Variants in IMMT observed in about 807,000 individuals in gnomAD.
The protein encoded by IMMT is inner membrane mitochondrial protein.
In IMMT, 40 loss-of-function variants were observed where a neutral mutation model predicts 92.7. That is an observed-to-expected ratio of 0.43 (90% CI 0.34 to 0.56). The LOEUF is 0.56. IMMT is among the 20% of genes least tolerant of loss of function. The pLI, the probability that IMMT is intolerant of heterozygous loss-of-function variation, is 0.03. For synonymous variants in IMMT, 322 were observed against 336.1 expected (o/e 0.96, Z 0.46); for missense variants, 831 against 912.1 (o/e 0.91, Z 1.14).
At chr2:86,149,473 C>T (rs555204147) in intron 12 of IMMT, among the ~76,000 whole-genome samples, 61 of 152,238 alleles carry the variant, frequency 4.0e-4, no homozygotes, top group African/African-American at 1.4e-3. Flanking sequence ...TCTGATTCGA[C>T]TATGTTTTAT....
chr2:86,144,980 T>TA, intron 14 of IMMT, 99 bp from the exon 15 acceptor site: 5 of 1,375,654 alleles, frequency 3.6e-6, no homozygotes, highest in Non-Finnish European at 4.9e-6. Context: ...TCTACACATG[T>TA]GCAAGATGAG....
chr2:86,146,605 C>T (rs1398407265), intron 13 of IMMT, among the ~76,000 whole-genome samples: 3 of 152,022 alleles, frequency 2.0e-5, no homozygotes, highest in Non-Finnish European at 4.4e-5. Context: ...CCTCGTGATC[C>T]GCCCACCTCG....
chr2:86,153,609 A>AG, intron 10 of IMMT, 35 bp from the exon 11 acceptor site: 1 of 1,373,348 alleles, frequency 7.3e-7, no homozygotes, highest in Non-Finnish European at 9.9e-7. Context: ...TTGAAAAAAA[A>AG]GAATGCACAT....
At chr2:86,158,549 G>C in intron 10 of IMMT, 43 bp downstream of exon 10, 1 of 1,489,978 alleles carries the variant, frequency 6.7e-7, no homozygotes, top group East Asian at 2.4e-5. Context: ...ATTGATTAGT[G>C]GTTAAAACAT....
chr2:86,163,381 T>C (rs1044953954), intron 7 of IMMT, among the ~76,000 whole-genome samples: 3 of 152,100 alleles, frequency 2.0e-5, no homozygotes, highest in Non-Finnish European at 4.4e-5. Flanking sequence ...ACACCCTATT[T>C]AGAAGTAGTG....
rs1277022976 is a variant in IMMT, at chr2:86,179,450, GA to G, written c.291del (p.Pro98HisfsTer12). ...EMVLGPAAYN[V>X]PLPKKSIQSG... is the part of the protein sequence containing the mutation. Reference sequence around the variant, plus strand: ...ACTCTTACCGATTTCTTTGGCAATGGAACATTATAAGCTGCAGGACCAAGAA... The same window carrying G: ...ACTCTTACCGATTTCTTTGGCAATGGACATTATAAGCTGCAGGACCAAGAA... On this transcript the variant is annotated frameshift_variant, in exon 3 of 15. Transcript: ENST00000410111. LOFTEE classifies it high-confidence loss of function. 1 of 1,591,816 alleles carries G rather than the reference GA, an allele frequency of 6.3e-7. No individual in the cohort carries two copies. Among genetic ancestry groups the G allele is most frequent in the African/African-American group, 1.4e-5 (1 of 73,614 alleles).
chr2:86,146,402 T>TTATTGCCTG (rs1675018621), intron 13 of IMMT, among the ~76,000 whole-genome samples: 1 of 152,088 alleles, frequency 6.6e-6, no homozygotes, highest in African/African-American at 2.4e-5. Flanking sequence ...GATGGAATCT[T>TTATTGCCTG]GCTTTATTGC....
At position 86,144,152 on chromosome 2, in the gene IMMT, T is replaced by C; in HGVS notation, c.*116A>G. ...CAACAGGTGTTAACATTTAGAACAG[T>C]ACTTGTAAACCTGCTCATTTCTAGA... On this transcript the variant is annotated 3_prime_UTR_variant, in exon 15 of 15. Coordinates refer to ENST00000410111, the MANE Select transcript of IMMT (RefSeq NM_006839.3). 1 of 1,104,108 alleles carries C rather than the reference T, an allele frequency of 9.1e-7. No homozygotes were observed. Among genetic ancestry groups the C allele is most frequent in the Non-Finnish European group, 1.3e-6 (1 of 776,058 alleles). The allele number at this position is 1,104,108 out of a possible 1,614,324, so 68.4% of individuals were successfully genotyped here.
At chr2:86,151,240 TAAAC>T in intron 12 of IMMT, 53 bp downstream of exon 12, 3 of 1,401,456 alleles carry the variant, frequency 2.1e-6, no homozygotes, top group Non-Finnish European at 3.0e-6. Context: ...TTTCTACAAG[TAAAC>T]AATCAAGTTA....
chr2:86,183,725 C>T (rs1672578880), intron 1 of IMMT, among the ~76,000 whole-genome samples: 1 of 152,174 alleles, frequency 6.6e-6, no homozygotes. Context: ...TTCAAATGTG[C>T]ATATTCTCCT....
At chr2:86,167,150 T>A (rs1453937039) in intron 6 of IMMT, among the ~76,000 whole-genome samples, 1 of 147,830 alleles carries the variant, frequency 6.8e-6, no homozygotes, top group South Asian at 2.1e-4. Flanking sequence ...GGATGATAAA[T>A]CTATGAAGCT....
At chr2:86,147,676 T>TG in intron 13 of IMMT, 26 bp downstream of exon 13, 1 of 1,601,750 alleles carries the variant, frequency 6.2e-7, no homozygotes, top group Non-Finnish European at 8.5e-7. Flanking sequence ...AAGAGGGGTG[T>TG]GGCTGAAGGG....
intron 5 of IMMT, 43 bp from the exon 6 acceptor site, chr2:86,170,887 G>C: frequency 7.2e-7 from 1 of 1,396,460 alleles, no homozygotes; most frequent in Non-Finnish European, 9.9e-7. Flanking sequence ...TTTCAGCATA[G>C]AATTTTAATA....
chr2:86,179,143 T>A (rs553784095), intron 3 of IMMT, among the ~76,000 whole-genome samples: 1 of 152,354 alleles, frequency 6.6e-6, no homozygotes, highest in Non-Finnish European at 1.5e-5. Context: ...CTTGTCATCA[T>A]TCCCTAAATA....
chr2:86,162,913 A>G (rs954261654), intron 7 of IMMT, among the ~76,000 whole-genome samples: 23 of 152,162 alleles, frequency 1.5e-4, no homozygotes, highest in Admixed American at 3.9e-4. Flanking sequence ...ACTCATTGCC[A>G]CTTTTTTGAG....
chr2:86,154,318 G>A (rs113211702), intron 10 of IMMT, among the ~76,000 whole-genome samples: 6,461 of 151,542 alleles, frequency 0.043, 486 homozygotes, highest in African/African-American at 0.15. Flanking sequence ...GACTACATGC[G>A]CCTCCCACCA....
chr2:86,159,354 G>C (rs1408317518), intron 9 of IMMT, 182 bp downstream of exon 9: 1 of 673,206 alleles, frequency 1.5e-6, no homozygotes, highest in Admixed American at 2.1e-5. Flanking sequence ...CAAAGTGCTG[G>C]GATTACAGGT....
chr2:86,195,242 T>C (rs1195243445), intron 1 of IMMT, 96 bp downstream of exon 1: 12 of 1,318,750 alleles, frequency 9.1e-6, no homozygotes, highest in Non-Finnish European at 1.1e-5. Flanking sequence ...GGCTCGCCTT[T>C]GTCCTGGAGG....
intron 11 of IMMT, among the ~76,000 whole-genome samples, chr2:86,152,532 G>A (rs1358706042): frequency 2.6e-5 from 4 of 151,380 alleles, no homozygotes; most frequent in East Asian, 3.9e-4. Flanking sequence ...AGGCCGAGAC[G>A]GGTGGATCAC....
Sources: gnomAD v4.1 joint callset for allele counts (sites outside exome capture counted in the v4.1 genomes callset) on GRCh38, gnomAD v4.1.1 for gene constraint, MANE v1.5 for transcripts, NCBI Gene and HGNC (gene_info 2026-07-23, HGNC 2026-07-21) for gene names.